The following NFKB2 variants were observed in gnomAD, a reference collection of about 807,000 sequenced individuals.
The protein encoded by NFKB2 is nuclear factor NF-kappa-B p100 subunit.
In NFKB2, 21 loss-of-function variants were observed where a neutral mutation model predicts 109.3. That is an observed-to-expected ratio of 0.19 (90% CI 0.14 to 0.28). The LOEUF (loss-of-function observed/expected upper bound fraction) is 0.28. NFKB2 is among the 10% of genes least tolerant of loss of function. The pLI is 1.00. For synonymous variants in NFKB2, 478 were observed against 489.9 expected (o/e 0.98, Z 0.32); for missense variants, 806 against 1,185.3 (o/e 0.68, Z 4.70).
Position 102,402,406 on chromosome 10 carries a change from GACCCCCTGT to G in NFKB2, c.*33_*41del, listed in dbSNP as rs1353828811. 1 of 1,384,160 alleles carries G rather than the reference GACCCCCTGT, an allele frequency of 7.2e-7. No individual in the cohort carries two copies. Among genetic ancestry groups the G allele is most frequent in the African/African-American group, 1.4e-5 (1 of 68,988 alleles). The allele number at this position is 1,384,160 out of a possible 1,614,324, so 85.7% of individuals were successfully genotyped here. On this transcript the variant is annotated 3_prime_UTR_variant, in exon 23 of 23. Transcript: ENST00000661543. Reference sequence around the variant, plus strand: ...CTGCCTGCCCCCAGCCCCCTTCCCGGACCCCCTGTACAGCGTCCCCACCTATTTCAAATC... The same window carrying G: ...CTGCCTGCCCCCAGCCCCCTTCCCGGACAGCGTCCCCACCTATTTCAAATC...
chr10:102,397,266 C>T lies in NFKB2; in HGVS notation c.396-36C>T. The T allele has an allele frequency of 1.3e-6, 2 of 1,598,988 alleles. No homozygotes were observed. The highest frequency in any genetic ancestry group is 2.2e-5 in the East Asian group (1 of 44,812). ...GGAAAGGTGCCTCAGGAAGAAAGAA[C>T]TGCATGGCCAAAGGCCTCCGATTCT... On this transcript the variant is annotated intron_variant, in intron 6 of 22. Coordinates refer to ENST00000661543, the MANE Select transcript of NFKB2 (RefSeq NM_001322934.2). This position sits in a 1 kb window ranked among gnomAD's most constrained non-coding sequence, Gnocchi z 4.7.
chr10:102,399,396 C>A lies in NFKB2; in HGVS notation c.1226C>A (p.Ala409Asp). 6.5e-7 allele frequency: 1 copy of A among 1,540,820 alleles called. No individual in the cohort carries two copies. The highest frequency in any genetic ancestry group is 8.8e-7 in the Non-Finnish European group (1 of 1,142,374). ...GGCGGGGGCGGGGCGCAGATGGCCG[C>A]CACGGTGCCCAGCAGGGACTCCGGG... ...PGGGGGAQMA[A>D]TVPSRDSGEE... Residue 409 changes from alanine to aspartate, a missense_variant, in exon 13 of 23, where the codon GCC becomes GAC. Transcript: ENST00000661543.
In NFKB2 at chr10:102,398,915, GA is replaced by G. The variant is rs749682724; in HGVS notation, c.1117+58del. On this transcript the variant is annotated intron_variant, in intron 12 of 22. Coordinates refer to ENST00000661543, the MANE Select transcript of NFKB2 (RefSeq NM_001322934.2). This position sits in a 1 kb window ranked among gnomAD's most constrained non-coding sequence, Gnocchi z 6.6. ...GGTAAAGGTAAGAGAAGCTGTGGAGGAAAAAAATCTGGGGGAGGCCGGGCGT... is the reference window on the plus strand; with the variant it reads ...GGTAAAGGTAAGAGAAGCTGTGGAGGAAAAAATCTGGGGGAGGCCGGGCGT... The G allele has an allele frequency of 2.9e-5, 46 of 1,564,682 alleles. No individual in the cohort carries two copies. The highest frequency in any genetic ancestry group is 3.5e-4 in the Middle Eastern group (2 of 5,642).
Position 102,400,664 on chromosome 10 carries a change from C to T in NFKB2, c.1808C>T (p.Pro603Leu), listed in dbSNP as rs1185541769. ...LHMPDFEGLY[P>L]VHLAVRARSP... ...CATCCTGCATCCTTAGGACTGTATC[C>T]AGTACACCTGGCAGTCCGAGCCCGA... The change falls in exon 17 of 23, where the codon CCA becomes CTA. Residue 603 changes from proline to leucine, a missense_variant. Pro to Leu is a moderately conservative substitution (Grantham distance 98). This residue lies in a region of NFKB2 where 163 missense variants were observed against 207.1 expected (regional missense o/e 0.79). Coordinates refer to ENST00000661543, the MANE Select transcript of NFKB2 (RefSeq NM_001322934.2). The surrounding 1 kb of genome is among the most constrained non-coding windows in gnomAD (Gnocchi z 6.3). The T allele has an allele frequency of 5.0e-6, 8 of 1,613,934 alleles. No individual in the cohort carries two copies. Among genetic ancestry groups the T allele is most frequent in the Non-Finnish European group, 6.8e-6 (8 of 1,179,930 alleles).
chr10:102,399,744 G>T (rs1183356228), intron 14 of NFKB2, 26 bp downstream of exon 14: 24 of 1,442,726 alleles, frequency 1.7e-5, no homozygotes, highest in Middle Eastern at 2.4e-4. Context: ...CCTGGCGGAC[G>T]AGGCGCGGGG....
Position 102,396,126 on chromosome 10 carries a change from T to C in NFKB2, c.22-127T>C. On this transcript the variant is annotated intron_variant, in intron 2 of 22. Transcript: ENST00000661543. This position sits in a 1 kb window ranked among gnomAD's most constrained non-coding sequence, Gnocchi z 5.9. ...CTGTCCATCTGTCTGCAACTCTGCC[T>C]CCAAAAGGAGCTTTCTCTTGGGTCT... 6.9e-7 allele frequency: 1 copy of C among 1,454,492 alleles called. No homozygotes were observed. Among genetic ancestry groups the C allele is most frequent in the Non-Finnish European group, 9.6e-7 (1 of 1,046,480 alleles). 90.1% of individuals were successfully genotyped at this position (1,454,492 alleles called of 1,614,324 possible). A position where few individuals can be genotyped will look rare whatever the true frequency, so the allele number is the denominator to read the frequency against.
rs1232671317 is a variant in NFKB2 at position 102,402,098 on chromosome 10, C to A, written c.2517C>A (p.Gly839=). 7.0e-6 allele frequency: 11 copies of A among 1,579,124 alleles called. No homozygotes were observed. The Admixed American group carries it at 2.0e-4, about 29-fold the overall frequency. Residue 839 remains glycine (G), a synonymous_variant, in exon 22 of 23, where the codon GGC becomes GGA. Coordinates refer to ENST00000661543, the MANE Select transcript of NFKB2 (RefSeq NM_001322934.2). ...TACTGGAGGCCCTGTCTGACATGGG[C>A]CTAGAGGAGGGAGTGAGGCTGCTGA... is the stretch of plus-strand genomic sequence containing the variant. ...AGLLEALSDM[G]LEEGVRLLRG...
rs751069718 is a variant in NFKB2 at position 102,401,374 on chromosome 10, CCA to C, written c.2223+44_2223+45del. The C allele has an allele frequency of 8.7e-6, 14 of 1,611,344 alleles. No homozygotes were observed. In the South Asian group the frequency reaches 1.5e-4, roughly 18 times the overall value. ...CTAGAAGTGCTCTGAGTGACGGGGT[CCA>C]GAGTATCTGGACTTAAAGACACAGG... is the stretch of plus-strand genomic sequence containing the variant. On this transcript the variant is annotated intron_variant, in intron 19 of 22. Coordinates refer to ENST00000661543, the MANE Select transcript of NFKB2 (RefSeq NM_001322934.2). The surrounding 1 kb of genome is among the most constrained non-coding windows in gnomAD (Gnocchi z 4.2).
Position 102,397,978 on chromosome 10 carries a change from T to C in NFKB2, c.662-3T>C, listed in dbSNP as rs1289019499. 8.7e-6 allele frequency: 14 copies of C among 1,614,054 alleles called. No individual in the cohort carries two copies. Among genetic ancestry groups the C allele is most frequent in the Non-Finnish European group, 1.1e-5 (13 of 1,179,904 alleles). On this transcript the variant is annotated splice_region_variant and splice_polypyrimidine_tract_variant and intron_variant, in intron 8 of 22. Coordinates refer to ENST00000661543, the MANE Select transcript of NFKB2 (RefSeq NM_001322934.2). The surrounding 1 kb of genome is among the most constrained non-coding windows in gnomAD (Gnocchi z 4.7). ...CTCAACTAATCCATATCCCACTCCA[T>C]AGAATCTCCGGGGGCATCAAACCTG... is the stretch of plus-strand genomic sequence containing the variant.
rs768524479 is a variant in NFKB2 at position 102,397,549 on chromosome 10, G to A, written c.525G>A (p.Glu175=). The change falls in exon 8 of 23, where the codon GAG becomes GAA. Residue 175 remains glutamate, a synonymous_variant. Coordinates refer to ENST00000661543, the MANE Select transcript of NFKB2 (RefSeq NM_001322934.2). The surrounding 1 kb of genome is among the most constrained non-coding windows in gnomAD (Gnocchi z 4.7). The part of the protein sequence containing the change: ...GLTEAEQREL[E]QEAKELKKVM... Reference sequence around the variant, plus strand: ...CAGAGGCCGAGCAGCGGGAGCTGGAGCAAGAGGCCAAAGAACTGAAGAAGG... The same window carrying A: ...CAGAGGCCGAGCAGCGGGAGCTGGAACAAGAGGCCAAAGAACTGAAGAAGG... 3.1e-6 allele frequency: 5 copies of A among 1,613,550 alleles called. No individual in the cohort carries two copies. The highest frequency in any genetic ancestry group is 4.2e-6 in the Non-Finnish European group (5 of 1,179,546).
In NFKB2 at chr10:102,395,990, G is replaced by A; in HGVS notation, c.21+10G>A. 3.7e-6 allele frequency: 6 copies of A among 1,612,268 alleles called. No individual in the cohort carries two copies. Among genetic ancestry groups the A allele is most frequent in the Non-Finnish European group, 5.1e-6 (6 of 1,179,966 alleles). The stretch of plus-strand genomic sequence containing the variant: ...GAGTTGCTACAACCCAGTGAGTCAT[G>A]CCGCCTGCCCCTGACCCGGCCGGCT... On this transcript the variant is annotated intron_variant, in intron 2 of 22. Coordinates refer to ENST00000661543, the MANE Select transcript of NFKB2 (RefSeq NM_001322934.2).
rs142623210 is a variant in NFKB2, at chr10:102,401,434, C to G, written c.2224-15C>G. ...ACGAGGTGGGAGGTAGTCAGAACTG[C>G]GGCTGTCTCCCCAGGTGAAGACCTT... is the stretch of plus-strand genomic sequence containing the variant. On this transcript the variant is annotated splice_polypyrimidine_tract_variant and intron_variant, in intron 19 of 22. Transcript: ENST00000661543. This position sits in a 1 kb window ranked among gnomAD's most constrained non-coding sequence, Gnocchi z 4.2. 1 of 1,613,622 alleles carries G rather than the reference C, an allele frequency of 6.2e-7. No homozygotes were observed. The highest frequency in any genetic ancestry group is 1.3e-5 in the African/African-American group (1 of 74,884).
In NFKB2 at chr10:102,396,102, TG is replaced by T; in HGVS notation, c.21+123del. On this transcript the variant is annotated intron_variant, in intron 2 of 22. Coordinates refer to ENST00000661543, the MANE Select transcript of NFKB2 (RefSeq NM_001322934.2). This position sits in a 1 kb window ranked among gnomAD's most constrained non-coding sequence, Gnocchi z 5.9. ...CGCAGATGCTCTCAGCCTGCCAGTC[TG>T]TCCATCTGTCTGCAACTCTGCCTCC... is the stretch of plus-strand genomic sequence containing the variant. 3 of 1,481,076 alleles carry T rather than the reference TG, an allele frequency of 2.0e-6. No homozygotes were observed. Among genetic ancestry groups the T allele is most frequent in the Non-Finnish European group, 2.8e-6 (3 of 1,066,622 alleles). The allele number at this position is 1,481,076 out of a possible 1,614,324, so 91.7% of individuals were successfully genotyped here.
At position 102,398,718 on chromosome 10, in the gene NFKB2, C is replaced by A. The variant is rs199774606; in HGVS notation, c.992-21C>A. On this transcript the variant is annotated intron_variant, in intron 11 of 22. Transcript: ENST00000661543. This position sits in a 1 kb window ranked among gnomAD's most constrained non-coding sequence, Gnocchi z 6.6. ...GCATGACACAATAACTGGGCTCAAT[C>A]TCATTTTCCTCTGCCCCCAGACAAG... The A allele has an allele frequency of 3.7e-5, 60 of 1,612,088 alleles. No homozygotes were observed. Among genetic ancestry groups the A allele is most frequent in the Non-Finnish European group, 4.7e-5 (56 of 1,180,022 alleles).
At position 102,398,915 on chromosome 10, in the gene NFKB2, G is replaced by GA. The variant is rs749682724; in HGVS notation, c.1117+58dup. The stretch of plus-strand genomic sequence containing the variant: ...GGTAAAGGTAAGAGAAGCTGTGGAG[G>GA]AAAAAAATCTGGGGGAGGCCGGGCG... On this transcript the variant is annotated intron_variant, in intron 12 of 22. Transcript: ENST00000661543. The surrounding 1 kb of genome is among the most constrained non-coding windows in gnomAD (Gnocchi z 6.6). 3 of 1,564,826 alleles carry GA rather than the reference G, an allele frequency of 1.9e-6. No homozygotes were observed. Among genetic ancestry groups the GA allele is most frequent in the East Asian group, 2.2e-5 (1 of 44,616 alleles).
At position 102,398,314 on chromosome 10, in the gene NFKB2, C is replaced by T; in HGVS notation, c.852+17C>T. ...CATAAACAGGTACCCAGGGCTAGGG[C>T]CCGGGCCCGGGCTGGGGGCTAAATT... On this transcript the variant is annotated intron_variant, in intron 10 of 22. Coordinates refer to ENST00000661543, the MANE Select transcript of NFKB2 (RefSeq NM_001322934.2). This position sits in a 1 kb window ranked among gnomAD's most constrained non-coding sequence, Gnocchi z 6.6. 2 of 1,613,970 alleles carry T rather than the reference C, an allele frequency of 1.2e-6. No individual in the cohort carries two copies. Among genetic ancestry groups the T allele is most frequent in the Non-Finnish European group, 1.7e-6 (2 of 1,179,870 alleles).
Position 102,400,198 on chromosome 10 carries a change from C to CG in NFKB2, c.1584+9dup, listed in dbSNP as rs935753166. The CG allele has an allele frequency of 4.3e-6, 7 of 1,613,894 alleles. No individual in the cohort carries two copies. Among genetic ancestry groups the CG allele is most frequent in the Middle Eastern group, 3.3e-4 (2 of 6,062 alleles). Reference sequence around the variant, plus strand: ...CCTCACCAACCACCTGCACCAGGTGCGGGGGCGCCTACTGGGGAGGTGGGA... The same window carrying CG: ...CCTCACCAACCACCTGCACCAGGTGCGGGGGGCGCCTACTGGGGAGGTGGGA... On this transcript the variant is annotated splice_donor_region_variant and intron_variant, in intron 15 of 22. Transcript: ENST00000661543. The surrounding 1 kb of genome is among the most constrained non-coding windows in gnomAD (Gnocchi z 6.3).
rs767996734 is a variant in NFKB2 at position 102,402,247 on chromosome 10, C to T, written c.2579-5C>T. The stretch of plus-strand genomic sequence containing the variant: ...TATCCCATTCCTGTCCCCATTTACC[C>T]CCAGCAGAGGTGAAGGAAGACAGTG... On this transcript the variant is annotated splice_polypyrimidine_tract_variant and splice_region_variant and intron_variant, in intron 22 of 22. Transcript: ENST00000661543. 7 of 1,551,672 alleles carry T rather than the reference C, an allele frequency of 4.5e-6. No homozygotes were observed. In the South Asian group the frequency reaches 5.9e-5, roughly 13 times the overall value.
rs11574853 is a variant in NFKB2, at chr10:102,402,039, T to A, written c.2467-9T>A. ...CCATGACTCAGACCTCATTCCTCTG[T>A]CTTCTCAGCTGGCTGGCGGGGACCT... On this transcript the variant is annotated splice_polypyrimidine_tract_variant and intron_variant, in intron 21 of 22. Transcript: ENST00000661543. 39,384 of 1,569,874 alleles carry A rather than the reference T, an allele frequency of 0.025. 1,132 individuals carry two copies. Among genetic ancestry groups the A allele is most frequent in the African/African-American group, 0.13 (9,977 of 73,978 alleles).
Sources: allele counts gnomAD v4.1 joint callset, GRCh38; gene constraint gnomAD v4.1.1; regional missense constraint gnomAD v4.1.1; non-coding constraint Gnocchi (gnomAD v3.1); transcripts MANE v1.5; gene names NCBI Gene and HGNC (gene_info 2026-07-23, HGNC 2026-07-21).